The following NRK variants were observed in gnomAD, a reference collection of about 807,000 sequenced individuals.
NRK encodes Nik related kinase.
A neutral mutation model predicts 125.2 loss-of-function variants in NRK; 67 were observed. The ratio of observed to expected loss-of-function variants is 0.54; its 90% CI spans 0.44 to 0.66. The LOEUF is 0.66. Among genes scored for constraint, NRK ranks in the 30% least tolerant of loss-of-function variants. NRK has a pLI of 0.00. For missense variants in NRK, 1,224 were observed against 1,192.9 expected, an observed-to-expected ratio of 1.03 and a Z score of -0.38; for synonymous variants, 458 against 429.0, an observed-to-expected ratio of 1.07 and a Z score of -0.84.
At position 105,935,282 on chromosome X, in the gene NRK, T is replaced by G; in HGVS notation, c.3612T>G (p.Tyr1204Ter). Residue 1204 changes from tyrosine to a stop codon, truncating the protein, a stop_gained, in exon 21 of 29, where the codon TAT becomes TAG. Coordinates refer to ENST00000243300, the MANE Select transcript of NRK (RefSeq NM_198465.4). LOFTEE classifies it high-confidence loss of function. ...GTAAAAAACCACTAATCCACATGTA[T>G]GAAAAGGAGTTCACTTCTGAGATCT... is the stretch of plus-strand genomic sequence containing the variant. The part of the protein sequence containing the change: ...PACKKPLIHM[Y>*]EKEFTSEICC... 8.3e-7 allele frequency: 1 copy of G among 1,202,031 alleles called. No homozygotes were observed. Among genetic ancestry groups the G allele is most frequent in the Non-Finnish European group, 1.1e-6 (1 of 887,767 alleles).
intron 2 of NRK, among the ~76,000 whole-genome samples, chrX:105,879,791 TACA>T (rs1055856435): frequency 5.4e-5 from 6 of 111,276 alleles, no homozygotes; most frequent in African/African-American, 1.9e-4. Flanking sequence ...AAATGTTTAG[TACA>T]ACAACTCGTT....
intron 2 of NRK, among the ~76,000 whole-genome samples, chrX:105,857,267 G>T (rs2039542711): frequency 9.0e-6 from 1 of 111,499 alleles, no homozygotes; most frequent in Non-Finnish European, 1.9e-5. Context: ...GAAGCAAAAG[G>T]TTGGTACAGA....
intron 8 of NRK, among the ~76,000 whole-genome samples, chrX:105,900,151 T>TACACACACACACAC (rs202022404): frequency 2.2e-5 from 2 of 89,398 alleles, no homozygotes; most frequent in Non-Finnish European, 4.5e-5. Flanking sequence ...ACTGCTGAAG[T>TACACACACACACAC]ACACACACAC....
intron 23 of NRK, among the ~76,000 whole-genome samples, chrX:105,942,329 C>T (rs2040754079): frequency 9.0e-6 from 1 of 111,562 alleles, no homozygotes; most frequent in Non-Finnish European, 1.9e-5. Context: ...AAAGTGGTTG[C>T]ACCGTTTCAC....
chrX:105,878,840 G>A (rs753309351), intron 2 of NRK, among the ~76,000 whole-genome samples: 3 of 111,453 alleles, frequency 2.7e-5, no homozygotes, highest in African/African-American at 9.8e-5. Flanking sequence ...CTCAGTTTCC[G>A]TCTTTCCTGC....
At chrX:105,873,557 T>A (rs2039775326) in intron 2 of NRK, among the ~76,000 whole-genome samples, 1 of 111,829 alleles carries the variant, frequency 8.9e-6, no homozygotes, top group Non-Finnish European at 1.9e-5. Context: ...AGATTTTATT[T>A]AAAAAAATTT....
intron 19 of NRK, among the ~76,000 whole-genome samples, chrX:105,925,498 A>G (rs1000967172): frequency 3.3e-4 from 36 of 110,681 alleles, no homozygotes; most frequent in Middle Eastern, 4.7e-3. Context: ...TATGTAATGA[A>G]TTATTGTTAA....
At position 105,853,891 on chromosome X, in the gene NRK, C is replaced by T. The variant is rs771822950; in HGVS notation, c.123+22772C>T. Among the ~76,000 whole-genome samples the T allele has an allele frequency of 2.7e-5, 3 of 111,838 alleles. No homozygotes were observed. In the South Asian group the frequency reaches 1.1e-3, roughly 41 times the overall value. On this transcript the variant is annotated intron_variant, in intron 2 of 28. Transcript: ENST00000243300. ...TTTGATTATAGAATTAGGTACTTTT[C>T]CTTGTTTTGCATATGTATCCTGTTA...
intron 19 of NRK, among the ~76,000 whole-genome samples, chrX:105,930,728 A>G (rs1195072188): frequency 1.8e-5 from 2 of 110,917 alleles, no homozygotes; most frequent in Non-Finnish European, 3.8e-5. Flanking sequence ...TTTCATAAGG[A>G]AAGACTTAGT....
intron 17 of NRK, 124 bp downstream of exon 17, chrX:105,922,185 A>G (rs918606341): frequency 5.2e-6 from 2 of 385,560 alleles, no homozygotes; most frequent in African/African-American, 5.0e-5. Context: ...TAACATTTTA[A>G]GGATAGATTC....
chrX:105,955,565 A>G lies in NRK; in HGVS notation c.4714A>G (p.Lys1572Glu). Residue 1572 changes from lysine (K) to glutamate (E), a missense_variant, in exon 29 of 29, where the codon AAA (lysine) becomes GAA (glutamate). By Grantham distance (56) the Lys-to-Glu change is moderately conservative (BLOSUM62 1). Coordinates refer to ENST00000243300, the MANE Select transcript of NRK (RefSeq NM_198465.4). ...HSRVYFMTLGKLEELQSNYDV is the reference protein window; with the variant it reads ...HSRVYFMTLGELEELQSNYDV Reference sequence around the variant, plus strand: ...CCGGGTTTACTTCATGACACTTGGAAAACTTGAAGAGCTCCAAAGCAATTA... The same window carrying G: ...CCGGGTTTACTTCATGACACTTGGAGAACTTGAAGAGCTCCAAAGCAATTA... 1 of 1,181,675 alleles carries G rather than the reference A, an allele frequency of 8.5e-7. No individual in the cohort carries two copies. The highest frequency in any genetic ancestry group is 1.1e-6 in the Non-Finnish European group (1 of 873,260).
intron 27 of NRK, among the ~76,000 whole-genome samples, chrX:105,951,205 A>C (rs1162652484): frequency 9.0e-6 from 1 of 111,105 alleles, no homozygotes; most frequent in African/African-American, 3.3e-5. Flanking sequence ...TTACAGTGGT[A>C]CTTTTGTGAT....
intron 18 of NRK, among the ~76,000 whole-genome samples, chrX:105,923,891 C>CTATATA (rs1204761152): frequency 0.095 from 4,508 of 47,412 alleles, 228 homozygotes; most frequent in Non-Finnish European, 0.12. Flanking sequence ...TGTGATATCA[C>CTATATA]TATATATATA....
chrX:105,908,693 A>G, intron 12 of NRK, 34 bp from the exon 13 acceptor site: 1 of 1,148,515 alleles, frequency 8.7e-7, no homozygotes. Context: ...TAAAAATTCT[A>G]ATTGTATGCC....
At chrX:105,885,837 AT>A (rs1029286426) in intron 4 of NRK, among the ~76,000 whole-genome samples, 10 of 111,971 alleles carry the variant, frequency 8.9e-5, no homozygotes, top group African/African-American at 1.6e-4. Flanking sequence ...CATTTATAGA[AT>A]TTTTTTCAAA....
At chrX:105,955,138 T>C (rs1416992628) in intron 28 of NRK, among the ~76,000 whole-genome samples, 1 of 111,652 alleles carries the variant, frequency 9.0e-6, no homozygotes, top group Non-Finnish European at 1.9e-5. Context: ...CCTAAATAAT[T>C]TGTTTCCTTA....
chrX:105,863,580 A>G (rs1173178883), intron 2 of NRK, among the ~76,000 whole-genome samples: 1 of 112,194 alleles, frequency 8.9e-6, no homozygotes, highest in Non-Finnish European at 1.9e-5. Flanking sequence ...TCTCAGCTTA[A>G]CAACACTAAT....
intron 2 of NRK, among the ~76,000 whole-genome samples, chrX:105,874,310 C>T (rs1415403551): frequency 8.9e-6 from 1 of 112,246 alleles, no homozygotes; most frequent in Non-Finnish European, 1.9e-5. Flanking sequence ...TGGAAATCTT[C>T]AAATGCTGTG....
At chrX:105,948,706 A>G (rs1429356277) in intron 26 of NRK, 1 of 503,687 alleles carries the variant, frequency 2.0e-6, no homozygotes, top group Non-Finnish European at 3.5e-6. Context: ...AGTTATAAGG[A>G]TTGTTGTTGC....
Sources: gnomAD v4.1 joint callset for allele counts (sites outside exome capture counted in the v4.1 genomes callset) on GRCh38, gnomAD v4.1.1 for gene constraint, MANE v1.5 for transcripts, NCBI Gene and HGNC (gene_info 2026-07-23, HGNC 2026-07-21) for gene names.